The following SLC1A2 variants were observed in gnomAD, a reference collection of about 807,000 sequenced individuals.
SLC1A2 encodes the protein solute carrier family 1 member 2.
In SLC1A2, 15 loss-of-function variants were observed where a neutral mutation model predicts 48.8. That is an observed-to-expected ratio of 0.31 (90% CI 0.21 to 0.47). The LOEUF (loss-of-function observed/expected upper bound fraction) is 0.47. Ranked by LOEUF, SLC1A2 falls within the 20% of genes least tolerant of loss-of-function variation. The pLI is 0.99. For missense variants in SLC1A2, 502 were observed against 730.5 expected (o/e 0.69, Z 3.61); for synonymous variants, 279 against 272.6 (o/e 1.02, Z -0.23).
chr11:35,317,127 C>T lies in SLC1A2; in HGVS notation c.157+250G>A, dbSNP rs1851906677. 4 of 462,232 alleles carry T rather than the reference C, an allele frequency of 8.7e-6. No homozygotes were observed. In the Admixed American group the frequency reaches 1.0e-4, roughly 12 times the overall value. The allele number at this position is 462,232 out of a possible 1,614,324, so 28.6% of individuals were successfully genotyped here. On this transcript the variant is annotated intron_variant, in intron 2 of 10. Transcript: ENST00000278379. ...CAAAGTCTCCATAAGTATAGGAATC[C>T]ACATGCCAACACTCTCACAAGATAT...
chr11:35,278,874 C>T (rs1850531376), intron 9 of SLC1A2, among the ~76,000 whole-genome samples: 1 of 152,024 alleles, frequency 6.6e-6, no homozygotes, highest in Non-Finnish European at 1.5e-5. Flanking sequence ...CAAAAATTAG[C>T]CGGGTGTGGT....
intron 9 of SLC1A2, among the ~76,000 whole-genome samples, chr11:35,279,234 A>G (rs1850543277): frequency 6.6e-6 from 1 of 152,222 alleles, no homozygotes; most frequent in Admixed American, 6.5e-5. Context: ...GAGGCATCAG[A>G]TTACATCTCA....
At chr11:35,303,933 C>T (rs1455024567) in intron 5 of SLC1A2, among the ~76,000 whole-genome samples, 2 of 152,196 alleles carry the variant, frequency 1.3e-5, no homozygotes, top group Admixed American at 6.5e-5. Context: ...AAGCCACTAT[C>T]TCCACCCTCA....
intron 1 of SLC1A2, among the ~76,000 whole-genome samples, chr11:35,325,307 T>C (rs911951759): frequency 6.6e-6 from 1 of 152,204 alleles, no homozygotes; most frequent in African/African-American, 2.4e-5. Context: ...CTTTGATGAC[T>C]CCCAGGTTTG....
chr11:35,398,092 G>A (rs117013914), intron 1 of SLC1A2, among the ~76,000 whole-genome samples: 342 of 152,174 alleles, frequency 2.2e-3, no homozygotes, highest in Non-Finnish European at 3.9e-3. Context: ...GATAACAAGG[G>A]GACTGGAACA....
At chr11:35,356,196 T>C (rs1473134215) in intron 1 of SLC1A2, among the ~76,000 whole-genome samples, 1 of 152,226 alleles carries the variant, frequency 6.6e-6, no homozygotes, top group Non-Finnish European at 1.5e-5. Context: ...TACCATCAAA[T>C]ACACCTAGAC....
chr11:35,347,585 G>A (rs117177851), intron 1 of SLC1A2, among the ~76,000 whole-genome samples: 23 of 152,326 alleles, frequency 1.5e-4, no homozygotes, highest in Non-Finnish European at 2.9e-4. Context: ...ATTAAGAAGT[G>A]GACATATGCA....
chr11:35,367,939 A>T (rs544352102), intron 1 of SLC1A2, among the ~76,000 whole-genome samples: 2 of 152,310 alleles, frequency 1.3e-5, no homozygotes, highest in African/African-American at 4.8e-5. Flanking sequence ...ACCATTTTTT[A>T]CTGAATTCTA....
At chr11:35,364,008 A>G (rs1853765409) in intron 1 of SLC1A2, among the ~76,000 whole-genome samples, 1 of 152,224 alleles carries the variant, frequency 6.6e-6, no homozygotes, top group Non-Finnish European at 1.5e-5. Context: ...CCTCAGACCC[A>G]GGACCCTGCA....
intron 6 of SLC1A2, among the ~76,000 whole-genome samples, chr11:35,295,522 A>C (rs1309209399): frequency 6.6e-6 from 1 of 152,220 alleles, no homozygotes; most frequent in East Asian, 1.9e-4. Context: ...CAGCAATCAA[A>C]ACCACAAATC....
intron 1 of SLC1A2, among the ~76,000 whole-genome samples, chr11:35,412,042 CAA>C (rs5791054): frequency 7.4e-5 from 10 of 134,314 alleles, no homozygotes; most frequent in East Asian, 2.0e-4. Flanking sequence ...CTTACTGGAG[CAA>C]AAAAAAAAAA....
At chr11:35,405,773 G>GA (rs535531817) in intron 1 of SLC1A2, among the ~76,000 whole-genome samples, 6 of 152,236 alleles carry the variant, frequency 3.9e-5, no homozygotes, top group Admixed American at 3.9e-4. Context: ...TAACCTCCTT[G>GA]AACCCTATTA....
chr11:35,382,772 G>A (rs551699812), intron 1 of SLC1A2, among the ~76,000 whole-genome samples: 1 of 151,980 alleles, frequency 6.6e-6, no homozygotes, highest in African/African-American at 2.4e-5. Context: ...CTCCAGCTTG[G>A]GCAACAGAGC....
At chr11:35,407,619 C>T (rs1290637135) in intron 1 of SLC1A2, among the ~76,000 whole-genome samples, 1 of 152,220 alleles carries the variant, frequency 6.6e-6, no homozygotes, top group Non-Finnish European at 1.5e-5. Flanking sequence ...CAGCTGCCAT[C>T]ACTTTGCTGA....
At chr11:35,273,300 G>A (rs1490624705) in intron 9 of SLC1A2, among the ~76,000 whole-genome samples, 2 of 152,170 alleles carry the variant, frequency 1.3e-5, no homozygotes, top group Non-Finnish European at 1.5e-5. Context: ...AGTCACATGG[G>A]GTTAGGGAAG....
intron 6 of SLC1A2, among the ~76,000 whole-genome samples, chr11:35,294,486 A>G (rs1172302161): frequency 1.3e-5 from 2 of 152,170 alleles, no homozygotes; most frequent in Non-Finnish European, 2.9e-5. Context: ...AGGTAGTCTC[A>G]GGGACCAGCA....
chr11:35,296,762 TC>T (rs1302130163), intron 6 of SLC1A2, among the ~76,000 whole-genome samples: 1 of 152,178 alleles, frequency 6.6e-6, no homozygotes, highest in African/African-American at 2.4e-5. Flanking sequence ...CTGCAGGTCT[TC>T]ATTAAAGGTC....
chr11:35,392,030 A>G (rs965189497), intron 1 of SLC1A2, among the ~76,000 whole-genome samples: 31 of 152,196 alleles, frequency 2.0e-4, no homozygotes, highest in African/African-American at 7.5e-4. Flanking sequence ...TGAAAAAGCT[A>G]ATAACAAAAT....
At chr11:35,320,364 A>C (rs1325399487) in intron 1 of SLC1A2, among the ~76,000 whole-genome samples, 1 of 152,206 alleles carries the variant, frequency 6.6e-6, no homozygotes, top group Non-Finnish European at 1.5e-5. Context: ...CATAAAGCAC[A>C]TTGTACTGTA....
Sources: allele counts gnomAD v4.1 joint callset (sites outside exome capture counted in the v4.1 genomes callset), GRCh38; gene constraint gnomAD v4.1.1; transcripts MANE v1.5; gene names NCBI Gene and HGNC (gene_info 2026-07-23, HGNC 2026-07-21).